Variants in BORCS8 observed in about 807,000 individuals in gnomAD.
BORCS8 encodes the protein BLOC-1 related complex subunit 8, also known as BLOC-1-related complex subunit 8.
BORCS8 carries 13 observed loss-of-function variants against 18.7 expected under a neutral mutation model. That is an observed-to-expected ratio of 0.70 (90% CI 0.45 to 1.11). The LOEUF (loss-of-function observed/expected upper bound fraction) is 1.11. Among genes scored for constraint, BORCS8 ranks in the 50% least tolerant of loss-of-function variants. The pLI is 0.00. For synonymous variants in BORCS8, 68 were observed against 64.8 expected (o/e 1.05, Z -0.24); for missense variants, 165 against 165.7 (o/e 1.00, Z 0.02).
Position 19,187,020 on chromosome 19 carries a change from T to A in BORCS8, c.38-15A>T. 5 of 1,542,330 alleles carry A rather than the reference T, an allele frequency of 3.2e-6. No individual in the cohort carries two copies. Among genetic ancestry groups the A allele is most frequent in the Non-Finnish European group, 3.5e-6 (4 of 1,139,676 alleles). On this transcript the variant is annotated splice_polypyrimidine_tract_variant and intron_variant, in intron 1 of 5. Transcript: ENST00000462790. ...CTTGTCCGTGACTAGATACAGGTGG[T>A]AGGGATGGGGCGGGTGTGGGGAGAC...
rs1017966092 is a variant in BORCS8, at chr19:19,180,677, G to C, written c.*42+9C>G. On this transcript the variant is annotated intron_variant, in intron 5 of 5. Coordinates refer to ENST00000462790, the MANE Select transcript of BORCS8 (RefSeq NM_001145784.2). ...GAGAGAGAGGCTCGTGGCTACCCTC[G>C]GCACTGACCTGGGTTGGCGGAGGCT... 7 of 1,527,278 alleles carry C rather than the reference G, an allele frequency of 4.6e-6. No individual in the cohort carries two copies. The highest frequency in any genetic ancestry group is 6.2e-6 in the Non-Finnish European group (7 of 1,127,028). 94.6% of individuals were successfully genotyped at this position (1,527,278 alleles called of 1,614,324 possible).
chr19:19,185,408 A>G (rs4808185), intron 3 of BORCS8, among the ~76,000 whole-genome samples: 89,031 of 152,090 alleles, frequency 0.59, 26,349 homozygotes, highest in East Asian at 0.73. Flanking sequence ...AACACCGGCC[A>G]GGCGTGGTGG....
At chr19:19,180,800 C>T in intron 4 of BORCS8, 39 bp from the exon 5 acceptor site, 1 of 1,524,292 alleles carries the variant, frequency 6.6e-7, no homozygotes, top group Non-Finnish European at 8.8e-7. Context: ...AGGCCAAGGT[C>T]AGAGGCCACA....
intron 4 of BORCS8, among the ~76,000 whole-genome samples, chr19:19,181,040 C>CA (rs1453941048): frequency 2.0e-5 from 3 of 151,638 alleles, no homozygotes; most frequent in Non-Finnish European, 4.4e-5. Context: ...ACTAAAAATA[C>CA]AAAAATTAGC....
chr19:19,177,698 GAAAAGAAAAGAAAAGAAAAGAAAAGA>G (rs2060311529), intron 5 of BORCS8: 1 of 39,266 alleles, frequency 2.5e-5, no homozygotes, highest in Non-Finnish European at 4.6e-5. Context: ...GGAAGGAAGA[GAAAAGAAAAGAAAAGAAAAGAAAAGA>G]AAAGAAAAGA....
chr19:19,182,726 G>T lies in BORCS8; in HGVS notation c.216-43C>A. The stretch of plus-strand genomic sequence containing the variant: ...GCCTGGTCAGCGCTCCGGACCTGCA[G>T]GTAACTGTCCCACACCCCAGCACTT... On this transcript the variant is annotated intron_variant, in intron 3 of 5. Coordinates refer to ENST00000462790, the MANE Select transcript of BORCS8 (RefSeq NM_001145784.2). The surrounding 1 kb of genome is among the most constrained non-coding windows in gnomAD (Gnocchi z 4.1). 1 of 1,527,448 alleles carries T rather than the reference G, an allele frequency of 6.5e-7. No homozygotes were observed. Among genetic ancestry groups the T allele is most frequent in the South Asian group, 1.2e-5 (1 of 81,988 alleles). The allele number at this position is 1,527,448 out of a possible 1,614,324, so 94.6% of individuals were successfully genotyped here.
intron 1 of BORCS8, among the ~76,000 whole-genome samples, chr19:19,190,190 C>T (rs2060451691): frequency 6.6e-6 from 1 of 152,184 alleles, no homozygotes; most frequent in African/African-American, 2.4e-5. Context: ...CCAATTTCAA[C>T]TGATTAGGTT....
At chr19:19,180,559 A>G in intron 5 of BORCS8, 127 bp downstream of exon 5, 3 of 714,298 alleles carry the variant, frequency 4.2e-6, no homozygotes, top group Middle Eastern at 3.7e-4. Context: ...CCACCTCCGA[A>G]ATCATCCCAC....
intron 4 of BORCS8, among the ~76,000 whole-genome samples, chr19:19,181,097 A>C (rs2060344602): frequency 6.6e-6 from 1 of 152,032 alleles, no homozygotes. Flanking sequence ...CGAGAGGCTG[A>C]GGCACGAGAA....
chr19:19,184,852 A>G (rs2060390606), intron 3 of BORCS8, among the ~76,000 whole-genome samples: 1 of 152,158 alleles, frequency 6.6e-6, no homozygotes, highest in Admixed American at 6.6e-5. Flanking sequence ...CTCCCACCTC[A>G]GACTCCCAAA....
chr19:19,184,044 G>A (rs2146419101), intron 3 of BORCS8, among the ~76,000 whole-genome samples: 1 of 151,496 alleles, frequency 6.6e-6, no homozygotes, highest in African/African-American at 2.4e-5. Context: ...CACCACACCT[G>A]GCTAATTTTT....
At chr19:19,188,681 C>CAACCCAGAGCCT (rs2060435260) in intron 1 of BORCS8, among the ~76,000 whole-genome samples, 1 of 151,890 alleles carries the variant, frequency 6.6e-6, no homozygotes, top group Non-Finnish European at 1.5e-5. Context: ...GGGCACTGAA[C>CAACCCAGAGCCT]AACCCAGAGC....
intron 5 of BORCS8, chr19:19,177,692 G>GAGAAAAGAAAAGAAAAGAAAAGAAAA (rs1555777404): frequency 3.3e-4 from 16 of 48,862 alleles, no homozygotes; most frequent in African/African-American, 1.1e-3. Context: ...AAGGAAGGAA[G>GAGAAAAGAAAAGAAAAGAAAAGAAAA]GAAGAGAAAA....
intron 3 of BORCS8, among the ~76,000 whole-genome samples, chr19:19,183,575 AT>A (rs914945590): frequency 2.1e-4 from 31 of 149,494 alleles, no homozygotes; most frequent in South Asian, 1.1e-3. Context: ...GGAGCTGAAT[AT>A]TTTTTTTCTT....
intron 5 of BORCS8, chr19:19,177,934 AG>A (rs1053953946): frequency 1.3e-5 from 2 of 151,358 alleles, no homozygotes; most frequent in Non-Finnish European, 2.9e-5. Flanking sequence ...CGCAGGCTGG[AG>A]TGCAGTGGCG....
chr19:19,183,301 T>A lies in BORCS8; in HGVS notation c.216-618A>T, dbSNP rs557050034. Among the ~76,000 whole-genome samples the A allele has an allele frequency of 2.6e-5, 4 of 151,314 alleles. No homozygotes were observed. The South Asian group carries it at 8.4e-4, about 32-fold the overall frequency. On this transcript the variant is annotated intron_variant, in intron 3 of 5. Coordinates refer to ENST00000462790, the MANE Select transcript of BORCS8 (RefSeq NM_001145784.2). ...GGCGGCCGCCTGTAGTCCCAGCTAC[T>A]CGGGAGGCTGAGGCAGGAGAATGGC...
chr19:19,191,890 T>C (rs1016068912), intron 1 of BORCS8, among the ~76,000 whole-genome samples, 191 bp downstream of exon 1: 17 of 152,118 alleles, frequency 1.1e-4, no homozygotes, highest in Non-Finnish European at 2.5e-4. Flanking sequence ...CTTGAAACAA[T>C]CCTGGGGGGA....
Position 19,186,986 on chromosome 19 carries a change from C to G in BORCS8, c.57G>C (p.Glu19Asp). The G allele has an allele frequency of 1.3e-6, 2 of 1,551,194 alleles. No homozygotes were observed. The highest frequency in any genetic ancestry group is 1.7e-6 in the Non-Finnish European group (2 of 1,146,788). ...GCTCGTTGGCCAGGACGTAGACGCT[C>G]TCAGTGAACTTGTCCGTGACTAGAT... ...KGKKVTDKFT[E>D]SVYVLANEPS... The change falls in exon 2 of 6, where the codon GAG becomes GAC. Residue 19 changes from glutamate to aspartate, a missense_variant. By Grantham distance (45) the Glu-to-Asp change is conservative. Coordinates refer to ENST00000462790, the MANE Select transcript of BORCS8 (RefSeq NM_001145784.2).
rs749671721 is a variant in BORCS8, at chr19:19,182,605, C to T, written c.294G>A (p.Arg98=). 9.0e-6 allele frequency: 14 copies of T among 1,551,114 alleles called. No individual in the cohort carries two copies. The highest frequency in any genetic ancestry group is 1.2e-5 in the Non-Finnish European group (14 of 1,146,936). ...EGLLKQAISI[R]DHMNASAQGH... Reference sequence around the variant, plus strand: ...CCTGGGCACTGGCATTCATATGGTCCCGGATGCTGATGGCCTGTTTGAGCA... The same window carrying T: ...CCTGGGCACTGGCATTCATATGGTCTCGGATGCTGATGGCCTGTTTGAGCA... Residue 98 remains arginine, a synonymous_variant, in exon 4 of 6, where the codon CGG becomes CGA. Transcript: ENST00000462790. The surrounding 1 kb of genome is among the most constrained non-coding windows in gnomAD (Gnocchi z 4.1).
Sources: allele counts gnomAD v4.1 joint callset (sites outside exome capture counted in the v4.1 genomes callset), GRCh38; gene constraint gnomAD v4.1.1; non-coding constraint Gnocchi (gnomAD v3.1); transcripts MANE v1.5; gene names NCBI Gene and HGNC (gene_info 2026-07-23, HGNC 2026-07-21).